CDKAL1: variants seen among roughly 807,000 people sequenced by gnomAD.
CDKAL1 encodes threonylcarbamoyladenosine tRNA methylthiotransferase.
In CDKAL1, 32 loss-of-function variants were observed where a neutral mutation model predicts 68.2. The observed-to-expected ratio is 0.47, with a 90% confidence interval of 0.35 to 0.63. The LOEUF is 0.63. Ranked by LOEUF, CDKAL1 falls within the 30% of genes least tolerant of loss-of-function variation. The pLI is 0.00. For missense variants in CDKAL1, 606 were observed against 696.7 expected (o/e 0.87, Z 1.47); for synonymous variants, 234 against 244.3 (o/e 0.96, Z 0.39).
chr6:21,176,704 T>TG (rs1304111442), intron 13 of CDKAL1, among the ~76,000 whole-genome samples: 4 of 147,084 alleles, frequency 2.7e-5, no homozygotes, highest in Non-Finnish European at 6.0e-5. Flanking sequence ...TTGTTTTTTT[T>TG]TTTTTTTTGA....
At chr6:20,807,314 T>C (rs1219968154) in intron 8 of CDKAL1, among the ~76,000 whole-genome samples, 1 of 152,062 alleles carries the variant, frequency 6.6e-6, no homozygotes, top group Admixed American at 6.6e-5. Context: ...ACCTCCACCT[T>C]CTGGGTTCAA....
intron 9 of CDKAL1, among the ~76,000 whole-genome samples, chr6:20,949,146 T>G (rs1403833694): frequency 6.6e-6 from 1 of 152,220 alleles, no homozygotes; most frequent in African/African-American, 2.4e-5. Context: ...TTTCTGAGTA[T>G]TGATCTGTCT....
At chr6:20,741,266 C>T (rs1232129265) in intron 6 of CDKAL1, among the ~76,000 whole-genome samples, 1 of 151,906 alleles carries the variant, frequency 6.6e-6, no homozygotes, top group East Asian at 1.9e-4. Flanking sequence ...GGCAGATAAA[C>T]ATTTTTTTTT....
intron 5 of CDKAL1, among the ~76,000 whole-genome samples, chr6:20,727,515 A>G (rs1451958139): frequency 6.6e-6 from 1 of 152,182 alleles, no homozygotes; most frequent in Non-Finnish European, 1.5e-5. Context: ...GTTGTGGGAA[A>G]GGGACTAAAA....
intron 13 of CDKAL1, among the ~76,000 whole-genome samples, chr6:21,159,249 A>G (rs1776794562): frequency 6.6e-6 from 1 of 152,162 alleles, no homozygotes; most frequent in African/African-American, 2.4e-5. Context: ...TCAGATAAGA[A>G]AAAATCTGGC....
chr6:20,687,459 GATCA>G (rs1770677926), intron 5 of CDKAL1, among the ~76,000 whole-genome samples: 1 of 152,154 alleles, frequency 6.6e-6, no homozygotes, highest in African/African-American at 2.4e-5. Context: ...TGATTTGTTA[GATCA>G]ATCAGGGATA....
chr6:20,612,551 C>T (rs28756205), intron 4 of CDKAL1, among the ~76,000 whole-genome samples: 16 of 151,782 alleles, frequency 1.1e-4, no homozygotes, highest in African/African-American at 3.4e-4. Context: ...TTGTATGTTT[C>T]GTTTTGAGAA....
chr6:20,794,436 G>A (rs757602808), intron 8 of CDKAL1, among the ~76,000 whole-genome samples: 9 of 152,192 alleles, frequency 5.9e-5, no homozygotes, highest in Admixed American at 3.3e-4. Flanking sequence ...ACCAGCTAAT[G>A]AGAATGATCT....
intron 10 of CDKAL1, among the ~76,000 whole-genome samples, chr6:20,985,695 G>A (rs978756234): frequency 6.6e-6 from 1 of 152,204 alleles, no homozygotes; most frequent in East Asian, 1.9e-4. Context: ...TGAAGCGGGA[G>A]GATCCCTTGA....
intron 9 of CDKAL1, among the ~76,000 whole-genome samples, chr6:20,919,893 T>C (rs748582353): frequency 2.0e-5 from 3 of 152,080 alleles, no homozygotes; most frequent in Non-Finnish European, 4.4e-5. Context: ...AAATGAGCAA[T>C]TTGAGGAGAG....
At chr6:21,170,561 C>G (rs1034066067) in intron 13 of CDKAL1, among the ~76,000 whole-genome samples, 4 of 152,098 alleles carry the variant, frequency 2.6e-5, no homozygotes, top group Admixed American at 2.6e-4. Context: ...AATTCCTGAC[C>G]TCATGATCGA....
rs148140694 is a variant in CDKAL1, at chr6:20,854,245, C to T, written c.742+8067C>T. Among the ~76,000 whole-genome samples, 8 of 152,292 alleles carry T rather than the reference C, an allele frequency of 5.3e-5. No homozygotes were observed. In the East Asian group the frequency reaches 1.5e-3, roughly 29 times the overall value. ...GGTTTCCTCCTCAGAATCCCTCTCACTAAGTTTTTGTTAGCCACTGCCATT... is the reference window on the plus strand; with the variant it reads ...GGTTTCCTCCTCAGAATCCCTCTCATTAAGTTTTTGTTAGCCACTGCCATT... On this transcript the variant is annotated intron_variant, in intron 9 of 15. Transcript: ENST00000274695.
intron 10 of CDKAL1, among the ~76,000 whole-genome samples, chr6:20,988,126 T>C (rs1166885991): frequency 6.6e-6 from 1 of 151,478 alleles, no homozygotes; most frequent in Non-Finnish European, 1.5e-5. Context: ...GGTGTTTTTA[T>C]CCGTAACATG....
intron 10 of CDKAL1, among the ~76,000 whole-genome samples, chr6:20,990,301 G>A (rs932297991): frequency 6.6e-6 from 1 of 152,094 alleles, no homozygotes; most frequent in Non-Finnish European, 1.5e-5. Context: ...AAATAAATGT[G>A]TTTGTGTGTG....
chr6:20,853,576 A>G lies in CDKAL1; in HGVS notation c.742+7398A>G, dbSNP rs146938279. On this transcript the variant is annotated intron_variant, in intron 9 of 15. Coordinates refer to ENST00000274695, the MANE Select transcript of CDKAL1 (RefSeq NM_017774.3). ...ATAAAAGAAGGATTTAACCTTTAAG[A>G]ACTAATATAGATGTAAAATAGATTA... 4.2e-3 allele frequency among the ~76,000 whole-genome samples: 644 copies of G among 152,262 alleles called. 10 individuals are homozygous for G. The highest frequency in any genetic ancestry group is 5.8e-3 in the South Asian group (28 of 4,812).
intron 10 of CDKAL1, among the ~76,000 whole-genome samples, chr6:20,994,305 C>T (rs1213194617): frequency 3.3e-5 from 5 of 152,068 alleles, no homozygotes; most frequent in Admixed American, 3.3e-4. Flanking sequence ...ATGGTGAAAC[C>T]CAGTGTCTAC....
At chr6:21,137,405 AAAGG>A (rs1775664126) in intron 13 of CDKAL1, among the ~76,000 whole-genome samples, 1 of 152,188 alleles carries the variant, frequency 6.6e-6, no homozygotes, top group Non-Finnish European at 1.5e-5. Flanking sequence ...TTTATCATAA[AAAGG>A]AAGGAACTAT....
chr6:21,229,036 G>A (rs1779857786), intron 15 of CDKAL1, among the ~76,000 whole-genome samples: 1 of 152,278 alleles, frequency 6.6e-6, no homozygotes, highest in African/African-American at 2.4e-5. Context: ...TCAGAGTGCA[G>A]GGAGACCAGC....
intron 11 of CDKAL1, among the ~76,000 whole-genome samples, chr6:21,053,747 A>G (rs952751016): frequency 1.3e-5 from 2 of 152,196 alleles, no homozygotes; most frequent in East Asian, 1.9e-4. Context: ...TAATGTACTT[A>G]TTAGCTATTC....
Sources: gnomAD v4.1 joint callset for allele counts (sites outside exome capture counted in the v4.1 genomes callset) on GRCh38, gnomAD v4.1.1 for gene constraint, MANE v1.5 for transcripts, NCBI Gene and HGNC (gene_info 2026-07-23, HGNC 2026-07-21) for gene names.